The following IGFL4 variants were observed in gnomAD, a reference collection of about 807,000 sequenced individuals.
IGFL4 encodes the protein insulin growth factor-like family member 4.
A neutral mutation model predicts 15.4 loss-of-function variants in IGFL4; 12 were observed. The observed-to-expected ratio is 0.78, with a 90% CI of 0.50 to 1.26. The LOEUF is 1.26. Ranked by LOEUF, IGFL4 falls within the 50% of genes most tolerant of loss-of-function variation. IGFL4 has a pLI of 0.00. For synonymous variants in IGFL4, 54 were observed against 55.9 expected (o/e 0.97, Z 0.16); for missense variants, 126 against 147.8 (o/e 0.85, Z 0.76).
chr19:46,042,645 TACAC>T (rs1000215602), upstream of IGFL4, among the ~76,000 whole-genome samples: 61 of 152,352 alleles, frequency 4.0e-4, no homozygotes, highest in African/African-American at 1.3e-3. Flanking sequence ...CTTTATTACT[TACAC>T]AGACAGGGAA....
chr19:46,043,717 G>A (rs1969269811), upstream of IGFL4, among the ~76,000 whole-genome samples: 1 of 152,048 alleles, frequency 6.6e-6, no homozygotes, highest in African/African-American at 2.4e-5. Flanking sequence ...AACAAATGGT[G>A]TGGGACAATG....
chr19:46,074,286 C>CAT (rs60167445), intron 1 of IGFL4, among the ~76,000 whole-genome samples: 6,643 of 149,952 alleles, frequency 0.044, 212 homozygotes, highest in East Asian at 0.1. Context: ...TATATATATA[C>CAT]ATATATATAT....
In IGFL4 at chr19:46,039,881, C is replaced by A. The variant is rs1568708842; in HGVS notation, c.*11G>T. 1.2e-6 allele frequency: 2 copies of A among 1,604,584 alleles called. No individual in the cohort carries two copies. The highest frequency in any genetic ancestry group is 8.5e-7 in the Non-Finnish European group (1 of 1,171,394). On this transcript the variant is annotated 3_prime_UTR_variant, in exon 4 of 4. Coordinates refer to ENST00000377697, the MANE Select transcript of IGFL4 (RefSeq NM_001002923.3). ...CTAGAGTGATCTGTGACTCTGCTAC[C>A]CCAGAACAGTCTAGATGAGGTCAGA...
At chr19:46,071,749 G>A (rs917479091) in intron 1 of IGFL4, among the ~76,000 whole-genome samples, 21 of 152,216 alleles carry the variant, frequency 1.4e-4, no homozygotes, top group Non-Finnish European at 2.8e-4. Context: ...GGTTGGGCAC[G>A]GTGGCTCACG....
chr19:46,073,424 C>G (rs997015746), intron 1 of IGFL4, among the ~76,000 whole-genome samples: 1 of 152,122 alleles, frequency 6.6e-6, no homozygotes, highest in African/African-American at 2.4e-5. Context: ...GGTATAATGT[C>G]TGACTCATAC....
At chr19:46,044,817 G>T (rs1239954987), upstream of IGFL4, among the ~76,000 whole-genome samples, 1 of 152,094 alleles carries the variant, frequency 6.6e-6, no homozygotes, top group Non-Finnish European at 1.5e-5. Flanking sequence ...GACACCTTCA[G>T]GTACGGGAAA....
intron 2 of IGFL4, among the ~76,000 whole-genome samples, chr19:46,051,063 T>C (rs925143722): frequency 6.6e-6 from 1 of 152,200 alleles, no homozygotes; most frequent in Admixed American, 6.5e-5. Flanking sequence ...TTTCATTCAG[T>C]GAAGCTAAGC....
chr19:46,063,728 C>T (rs530132389), intron 1 of IGFL4, among the ~76,000 whole-genome samples: 3 of 152,106 alleles, frequency 2.0e-5, no homozygotes, highest in Non-Finnish European at 4.4e-5. Flanking sequence ...TCAGGAAAGA[C>T]CCATACTTGG....
chr19:46,056,494 C>G (rs999517419), intron 2 of IGFL4, among the ~76,000 whole-genome samples: 1 of 152,200 alleles, frequency 6.6e-6, no homozygotes, highest in Non-Finnish European at 1.5e-5. Flanking sequence ...AGGATCTCCT[C>G]CACTCGCTCC....
chr19:46,060,142 A>G (rs1969431073), intron 2 of IGFL4: 1 of 152,224 alleles, frequency 6.6e-6, no homozygotes, highest in African/African-American at 2.4e-5. Context: ...TCCTTATTGT[A>G]CTTATGCAAA....
At position 46,040,707 on chromosome 19, in the gene IGFL4, C is replaced by T. The variant is rs1256587498; in HGVS notation, c.20-139G>A. 3.8e-6 allele frequency: 4 copies of T among 1,048,994 alleles called. No individual in the cohort carries two copies. In the East Asian group the frequency reaches 7.7e-5, roughly 20 times the overall value. 65.0% of individuals were successfully genotyped at this position (1,048,994 alleles called of 1,614,324 possible). ...TTGGGACTGGCTGTGGGTGCAGGTC[C>T]TGGGGACTGGGCTTGGCAGGTGAGG... On this transcript the variant is annotated intron_variant, in intron 1 of 3. Coordinates refer to ENST00000377697, the MANE Select transcript of IGFL4 (RefSeq NM_001002923.3). This position sits in a 1 kb window ranked among gnomAD's most constrained non-coding sequence, Gnocchi z 4.1.
upstream of IGFL4, among the ~76,000 whole-genome samples, chr19:46,043,083 A>G (rs1969262642): frequency 6.6e-6 from 1 of 152,216 alleles, no homozygotes; most frequent in Non-Finnish European, 1.5e-5. Flanking sequence ...ACTAATAAGT[A>G]AATTTAGATG....
chr19:46,068,578 T>C (rs1192541864), intron 1 of IGFL4, among the ~76,000 whole-genome samples: 1 of 152,236 alleles, frequency 6.6e-6, no homozygotes, highest in African/African-American at 2.4e-5. Context: ...CCAAAGCCCT[T>C]GTTTGTTGAA....
chr19:46,052,172 G>T (rs187661686), intron 2 of IGFL4, among the ~76,000 whole-genome samples: 25 of 152,268 alleles, frequency 1.6e-4, no homozygotes, highest in African/African-American at 6.0e-4. Flanking sequence ...TGCAACGACT[G>T]CAGGGTATAC....
intron 1 of IGFL4, among the ~76,000 whole-genome samples, chr19:46,066,298 CT>C (rs538014334): frequency 1.4e-3 from 210 of 152,276 alleles, no homozygotes; most frequent in African/African-American, 4.9e-3. Flanking sequence ...CCAAAACATA[CT>C]AAAATGTTTA....
At chr19:46,068,842 C>T (rs1010049576) in intron 1 of IGFL4, among the ~76,000 whole-genome samples, 4 of 152,238 alleles carry the variant, frequency 2.6e-5, no homozygotes, top group Admixed American at 1.3e-4. Context: ...CAATCACATT[C>T]GGGATTTTGC....
intron 2 of IGFL4, among the ~76,000 whole-genome samples, chr19:46,055,449 T>C (rs1409373473): frequency 6.6e-6 from 1 of 152,186 alleles, no homozygotes; most frequent in Non-Finnish European, 1.5e-5. Context: ...CATGGCTGGA[T>C]TGAATCTTGA....
rs766625997 is a variant in IGFL4, at chr19:46,040,191, C to T, written c.296G>A (p.Cys99Tyr). Residue 99 changes from cysteine (C) to tyrosine (Y), a missense_variant, in exon 3 of 4, where the codon TGC (cysteine) becomes TAC (tyrosine). By Grantham distance (194) the Cys-to-Tyr change is radical. Coordinates refer to ENST00000377697, the MANE Select transcript of IGFL4 (RefSeq NM_001002923.3). The surrounding 1 kb of genome is among the most constrained non-coding windows in gnomAD (Gnocchi z 4.1). Reference protein sequence around the residue: ...RFKVPGMKPDCKSSPITRICA... With the variant: ...RFKVPGMKPDYKSSPITRICA... Reference sequence around the variant, plus strand: ...GATCCTGGTGATAGGGGAGGACTTGCAATCTGGCTTCATGCCTGGGACCTT... The same window carrying T: ...GATCCTGGTGATAGGGGAGGACTTGTAATCTGGCTTCATGCCTGGGACCTT... 5.0e-6 allele frequency: 8 copies of T among 1,614,060 alleles called. No individual in the cohort carries two copies. The highest frequency in any genetic ancestry group is 5.9e-6 in the Non-Finnish European group (7 of 1,180,034).
rs982663223 is a variant in IGFL4, at chr19:46,067,765, A to G, written c.-431-7472T>C. On this transcript the variant is annotated intron_variant, in intron 1 of 5. Coordinates refer to the IGFL4 transcript ENST00000601672. The stretch of plus-strand genomic sequence containing the variant: ...GCAGCCAGGTTTGTTTCTCTCTGGG[A>G]CCCACATCTGATCTATCCCTCAGGA... Among the ~76,000 whole-genome samples the G allele has an allele frequency of 2.6e-5, 4 of 152,122 alleles. No homozygotes were observed. The East Asian group carries it at 5.8e-4, about 22-fold the overall frequency.
Sources: gnomAD v4.1 joint callset for allele counts (sites outside exome capture counted in the v4.1 genomes callset) on GRCh38, gnomAD v4.1.1 for gene constraint, Gnocchi (gnomAD v3.1) non-coding constraint, MANE v1.5 for transcripts, NCBI Gene and HGNC (gene_info 2026-07-23, HGNC 2026-07-21) for gene names.